The following MYOF variants were observed in gnomAD, a reference collection of about 807,000 sequenced individuals.
The protein encoded by MYOF is myoferlin.
In MYOF, 244 loss-of-function variants were observed where a neutral mutation model predicts 284.2. The ratio of observed to expected loss-of-function variants is 0.86; its 90% CI spans 0.77 to 0.95. MYOF has a LOEUF of 0.95. Ranked by LOEUF, MYOF falls within the 40% of genes least tolerant of loss-of-function variation. The pLI, the probability that MYOF is intolerant of heterozygous loss-of-function variation, is 0.00. For synonymous variants in MYOF, 904 were observed against 919.7 expected (o/e 0.98, Z 0.31); for missense variants, 2,496 against 2,560.6 (o/e 0.97, Z 0.54).
chr10:93,397,541 T>G, intron 13 of MYOF, 85 bp from the exon 14 acceptor site: 5 of 968,984 alleles, frequency 5.2e-6, no homozygotes, highest in Non-Finnish European at 7.6e-6. Flanking sequence ...GATTATGACT[T>G]TAGCAGTTTA....
chr10:93,441,267 T>TATAGGGAATACTTAAAGACATAGTATTTC, intron 3 of MYOF, among the ~76,000 whole-genome samples: 1 of 152,230 alleles, frequency 6.6e-6, no homozygotes, highest in African/African-American at 2.4e-5. Context: ...AGGTATTTCA[T>TATAGGGAATACTTAAAGACATAGTATTTC]ATACTAGGGA....
chr10:93,322,317 A>T (rs1168668217), intron 48 of MYOF, among the ~76,000 whole-genome samples: 1 of 152,228 alleles, frequency 6.6e-6, no homozygotes, highest in Non-Finnish European at 1.5e-5. Flanking sequence ...TGTGCCAGGC[A>T]CTGTCCTAAA....
Position 93,313,118 on chromosome 10 carries a change from T to G in MYOF, c.5791A>C (p.Asn1931His). 2 of 1,614,150 alleles carry G rather than the reference T, an allele frequency of 1.2e-6. No individual in the cohort carries two copies. The highest frequency in any genetic ancestry group is 1.7e-6 in the Non-Finnish European group (2 of 1,179,998). ...LDMIPDLKAM[N>H]PLKAKTASLF... is the part of the protein sequence containing the mutation. The stretch of plus-strand genomic sequence containing the variant: ...GAGGCTGTCTTGGCTTTAAGGGGGT[T>G]CATGGCTTTGAGGTCCGGAATCATG... The change falls in exon 51 of 54, where the codon AAC becomes CAC. Residue 1931 changes from asparagine (N) to histidine (H), a missense_variant. Asn to His is a moderately conservative substitution (Grantham distance 68, BLOSUM62 1). Coordinates refer to ENST00000359263, the MANE Select transcript of MYOF (RefSeq NM_013451.4).
intron 2 of MYOF, among the ~76,000 whole-genome samples, chr10:93,453,590 C>T (rs2056655638): frequency 2.0e-5 from 3 of 152,206 alleles, no homozygotes; most frequent in Non-Finnish European, 2.9e-5. Context: ...TGTGCCACCA[C>T]ACGTGGCCTC....
At chr10:93,326,644 T>C (rs1382938863) in intron 45 of MYOF, among the ~76,000 whole-genome samples, 2 of 152,236 alleles carry the variant, frequency 1.3e-5, no homozygotes, top group African/African-American at 4.8e-5. Flanking sequence ...GTATGTTTTT[T>C]GAGACAGTCT....
chr10:93,325,773 C>T (rs1843015918), intron 46 of MYOF, 53 bp downstream of exon 46: 2 of 1,550,098 alleles, frequency 1.3e-6, no homozygotes, highest in Non-Finnish European at 1.7e-6. Flanking sequence ...TCAACTACTG[C>T]CATTGCATTT....
chr10:93,353,877 A>G lies in MYOF; in HGVS notation c.3415T>C (p.Tyr1139His). ...TGATAGACATAGCAGCGCAGATGGT[A>G]GATGTAGACTCCTAAAAAAACAGGA... Reference protein sequence around the residue: ...VSCNFDRVYIYHLRCYVYQAR... With the variant: ...VSCNFDRVYIHHLRCYVYQAR... Residue 1139 changes from tyrosine to histidine, a missense_variant, in exon 32 of 54, where the codon TAC becomes CAC. Around this residue, in one of 3 missense-constraint regions of MYOF, gnomAD observed 2,436 missense variants for 2,480.7 expected, o/e 0.98. Coordinates refer to ENST00000359263, the MANE Select transcript of MYOF (RefSeq NM_013451.4). The G allele has an allele frequency of 1.2e-5, 20 of 1,607,846 alleles. No homozygotes were observed. The highest frequency in any genetic ancestry group is 1.6e-5 in the Non-Finnish European group (19 of 1,175,542).
chr10:93,353,166 C>T (rs1038012423), intron 32 of MYOF, among the ~76,000 whole-genome samples: 1 of 152,140 alleles, frequency 6.6e-6, no homozygotes, highest in Non-Finnish European at 1.5e-5. Flanking sequence ...CCCCAGATAG[C>T]CTGAACTATC....
In MYOF at chr10:93,323,225, C is replaced by G. The variant is rs775475527; in HGVS notation, c.5360+45G>C. 9 of 1,613,050 alleles carry G rather than the reference C, an allele frequency of 5.6e-6. No homozygotes were observed. In the South Asian group the frequency reaches 8.8e-5, roughly 16 times the overall value. On this transcript the variant is annotated intron_variant, in intron 47 of 53. Coordinates refer to ENST00000359263, the MANE Select transcript of MYOF (RefSeq NM_013451.4). ...TTTTTTTTCTGGTCCTGGACCAAGT[C>G]CCCAGCCCAGTGTATGTATCAGGGT...
chr10:93,438,445 G>T (rs2056139039), intron 3 of MYOF, among the ~76,000 whole-genome samples: 1 of 152,224 alleles, frequency 6.6e-6, no homozygotes, highest in South Asian at 2.1e-4. Context: ...CTGCGCCTCG[G>T]TTCACCCCTC....
chr10:93,325,060 A>G (rs787682), intron 46 of MYOF, among the ~76,000 whole-genome samples: 128,310 of 152,220 alleles, frequency 0.84, 54,207 homozygotes, highest in East Asian at 0.91. Flanking sequence ...TTATAGGCAT[A>G]AGCCACCGCA....
In MYOF at chr10:93,366,381, G is replaced by A. The variant is rs200707331; in HGVS notation, c.2753+11C>T. On this transcript the variant is annotated intron_variant, in intron 26 of 53. Transcript: ENST00000359263. The stretch of plus-strand genomic sequence containing the variant: ...TTGCTATCCTTTTTACTCAGAAAAT[G>A]GACAACTTACCTTCTTTCAGGATCA... 416 of 1,608,338 alleles carry A rather than the reference G, an allele frequency of 2.6e-4. 2 individuals are homozygous for A. The Middle Eastern group carries it at 4.8e-3, about 19-fold the overall frequency.
At chr10:93,352,928 A>G (rs1844589943) in intron 32 of MYOF, among the ~76,000 whole-genome samples, 1 of 152,196 alleles carries the variant, frequency 6.6e-6, no homozygotes, top group Non-Finnish European at 1.5e-5. Flanking sequence ...AGAAAAGGAA[A>G]CCATTCACAA....
intron 15 of MYOF, among the ~76,000 whole-genome samples, chr10:93,396,701 G>A (rs913609203): frequency 6.6e-6 from 1 of 152,152 alleles, no homozygotes; most frequent in Admixed American, 6.5e-5. Flanking sequence ...AACGATATTT[G>A]TCATGTTTCC....
In MYOF at chr10:93,327,583, G is replaced by A. The variant is rs977006420; in HGVS notation, c.5131+1180C>T. On this transcript the variant is annotated intron_variant, in intron 45 of 53. Transcript: ENST00000359263. Reference sequence around the variant, plus strand: ...TAGTAACTGGAACAATCCCCATGACGGGGGAGTTGTTTGATTGTTTGGGGG... The same window carrying A: ...TAGTAACTGGAACAATCCCCATGACAGGGGAGTTGTTTGATTGTTTGGGGG... 7.2e-5 allele frequency among the ~76,000 whole-genome samples: 11 copies of A among 152,176 alleles called. No individual in the cohort carries two copies. The East Asian group carries it at 1.9e-3, about 27-fold the overall frequency.
At chr10:93,464,046 T>G (rs1187454559) in intron 1 of MYOF, among the ~76,000 whole-genome samples, 1 of 152,178 alleles carries the variant, frequency 6.6e-6, no homozygotes, top group East Asian at 1.9e-4. Context: ...ATTTTGTAGA[T>G]GTGATAAACA....
chr10:93,349,657 G>T, intron 36 of MYOF, 151 bp downstream of exon 36: 1 of 866,628 alleles, frequency 1.2e-6, no homozygotes, highest in Non-Finnish European at 1.7e-6. Flanking sequence ...GAGAATTTAA[G>T]GGGAAAAAGT....
intron 3 of MYOF, among the ~76,000 whole-genome samples, chr10:93,444,816 T>C (rs1247615556): frequency 1.3e-5 from 2 of 152,180 alleles, no homozygotes; most frequent in African/African-American, 2.4e-5. Flanking sequence ...CATGTACAGG[T>C]TCTTGAAGAT....
intron 19 of MYOF, among the ~76,000 whole-genome samples, chr10:93,383,903 G>A (rs950587491): frequency 4.6e-5 from 7 of 152,156 alleles, no homozygotes; most frequent in East Asian, 1.9e-4. Flanking sequence ...GCTCTACCCC[G>A]TAGGCCTCCA....
Sources: allele counts gnomAD v4.1 joint callset (sites outside exome capture counted in the v4.1 genomes callset), GRCh38; gene constraint gnomAD v4.1.1; regional missense constraint gnomAD v4.1.1; transcripts MANE v1.5; gene names NCBI Gene and HGNC (gene_info 2026-07-23, HGNC 2026-07-21).